Variants in ASH1L observed in about 807,000 individuals in gnomAD.
ASH1L encodes ASH1 like histone lysine methyltransferase.
In ASH1L, 23 loss-of-function variants were observed where a neutral mutation model predicts 269.0. That is an observed-to-expected ratio of 0.09 (90% CI 0.06 to 0.12). The LOEUF is 0.12. Among genes scored for constraint, ASH1L ranks in the 10% least tolerant of loss-of-function variants. ASH1L has a pLI of 1.00. For synonymous variants in ASH1L, 1,187 were observed against 1,253.5 expected (o/e 0.95, Z 1.12); for missense variants, 2,912 against 3,567.8 (o/e 0.82, Z 4.68).
Position 155,481,984 on chromosome 1 carries a change from C to A in ASH1L, c.886G>T (p.Ala296Ser), listed in dbSNP as rs1338133463. 8.7e-6 allele frequency: 14 copies of A among 1,614,028 alleles called. No homozygotes were observed. Among genetic ancestry groups the A allele is most frequent in the Non-Finnish European group, 1.1e-5 (13 of 1,180,044 alleles). Reference sequence around the variant, plus strand: ...GAGTCCTTATTGACCAATCCTACTGCTGCATTAAACACTGGCTTTTTCCCA... The same window carrying A: ...GAGTCCTTATTGACCAATCCTACTGATGCATTAAACACTGGCTTTTTCCCA... ...DPGKKPVFNA[A>S]VGLVNKDSVK... Residue 296 changes from alanine to serine, a missense_variant, in exon 3 of 28, where the codon GCA (alanine) becomes TCA (serine). Physicochemically the swap from Ala to Ser is moderately conservative, Grantham distance 99. Transcript: ENST00000392403.
chr1:155,359,901 T>G (rs1434437241), intron 13 of ASH1L, among the ~76,000 whole-genome samples: 2 of 151,648 alleles, frequency 1.3e-5, no homozygotes, highest in Non-Finnish European at 2.9e-5. Context: ...TTTTTTTTTT[T>G]GAGACAGAGT....
At chr1:155,552,632 C>A (rs1252485082) in intron 1 of ASH1L, among the ~76,000 whole-genome samples, 2 of 151,796 alleles carry the variant, frequency 1.3e-5, no homozygotes, top group Non-Finnish European at 2.9e-5. Context: ...GACAACAGAG[C>A]GAGACCCTGA....
Position 155,559,138 on chromosome 1 carries a change from G to A in ASH1L, c.-100+3015C>T, listed in dbSNP as rs558082319. ...ACAAGTGAGAGCCACCATGCCCAGC[G>A]ACATCAAAACCTTTTTACATAAACG... On this transcript the variant is annotated intron_variant, in intron 1 of 27. Coordinates refer to ENST00000392403, the MANE Select transcript of ASH1L (RefSeq NM_018489.3). 1.6e-4 allele frequency among the ~76,000 whole-genome samples: 25 copies of A among 152,112 alleles called. No homozygotes were observed. The South Asian group carries it at 3.3e-3, about 20-fold the overall frequency.
In ASH1L at chr1:155,338,086, T is replaced by C; in HGVS notation, c.8803+3A>G. ...CCCTAGATATGAACCTGATTCTTCT[T>C]ACCATTTTTTCCAGGGATTTTTTCA... On this transcript the variant is annotated splice_donor_region_variant and intron_variant, in intron 27 of 27. Coordinates refer to ENST00000392403, the MANE Select transcript of ASH1L (RefSeq NM_018489.3). 1.2e-6 allele frequency: 2 copies of C among 1,611,980 alleles called. No homozygotes were observed. Among genetic ancestry groups the C allele is most frequent in the Non-Finnish European group, 8.5e-7 (1 of 1,178,522 alleles).
intron 20 of ASH1L, among the ~76,000 whole-genome samples, chr1:155,346,746 G>C (rs1653370462): frequency 6.6e-6 from 1 of 152,158 alleles, no homozygotes; most frequent in African/African-American, 2.4e-5. Flanking sequence ...ATAGACTACT[G>C]AACTATTACT....
chr1:155,540,209 T>C (rs1241528052), intron 1 of ASH1L, among the ~76,000 whole-genome samples: 1 of 152,182 alleles, frequency 6.6e-6, no homozygotes, highest in African/African-American at 2.4e-5. Flanking sequence ...TGGTTAAGAA[T>C]ATAGTCTCTG....
At chr1:155,429,911 C>T (rs905136938) in intron 5 of ASH1L, among the ~76,000 whole-genome samples, 1 of 152,016 alleles carries the variant, frequency 6.6e-6, no homozygotes, top group Non-Finnish European at 1.5e-5. Context: ...TCAAGCAATC[C>T]CTTAACACCT....
At chr1:155,406,665 T>C (rs979260272) in intron 6 of ASH1L, among the ~76,000 whole-genome samples, 5 of 152,168 alleles carry the variant, frequency 3.3e-5, no homozygotes, top group South Asian at 2.1e-4. Flanking sequence ...TGTGCCACTA[T>C]ACTCCAGGCT....
At chr1:155,388,219 C>A (rs937279381) in intron 7 of ASH1L, among the ~76,000 whole-genome samples, 2 of 152,210 alleles carry the variant, frequency 1.3e-5, no homozygotes, top group African/African-American at 2.4e-5. Context: ...TTCACTCTAA[C>A]TATAATTAAG....
At chr1:155,535,778 G>C (rs777820690) in intron 1 of ASH1L, among the ~76,000 whole-genome samples, 1 of 152,002 alleles carries the variant, frequency 6.6e-6, no homozygotes, top group East Asian at 1.9e-4. Context: ...CAGATCACCC[G>C]AGGTTGGGTT....
chr1:155,358,536 A>G (rs371127214), intron 13 of ASH1L, among the ~76,000 whole-genome samples: 1 of 151,880 alleles, frequency 6.6e-6, no homozygotes, highest in South Asian at 2.1e-4. Flanking sequence ...AAAATACAAA[A>G]AATTAGCTGG....
At chr1:155,491,024 T>G (rs1666746208) in intron 2 of ASH1L, among the ~76,000 whole-genome samples, 1 of 148,740 alleles carries the variant, frequency 6.7e-6, no homozygotes, top group Non-Finnish European at 1.5e-5. Flanking sequence ...AGACTTCCTA[T>G]TGCATTTGTT....
chr1:155,379,941 C>G, intron 8 of ASH1L, 102 bp downstream of exon 8: 1 of 853,424 alleles, frequency 1.2e-6, no homozygotes. Flanking sequence ...CTGAAAACCT[C>G]CTAAGATGAA....
chr1:155,498,756 A>T (rs1282261897), intron 2 of ASH1L, among the ~76,000 whole-genome samples: 1 of 151,618 alleles, frequency 6.6e-6, no homozygotes, highest in East Asian at 1.9e-4. Flanking sequence ...GCTAGTTTTT[A>T]AAAATGTTTT....
At chr1:155,412,869 T>C (rs1019371001) in intron 6 of ASH1L, among the ~76,000 whole-genome samples, 2 of 151,870 alleles carry the variant, frequency 1.3e-5, no homozygotes, top group Non-Finnish European at 2.9e-5. Context: ...CCTCATACCT[T>C]TGGTTACAGA....
chr1:155,412,923 A>G (rs913937610), intron 6 of ASH1L, among the ~76,000 whole-genome samples: 7 of 151,682 alleles, frequency 4.6e-5, no homozygotes, highest in Non-Finnish European at 7.4e-5. Context: ...ATTGAAAAAA[A>G]TGGTTTTTTT....
At chr1:155,562,844 C>CT, upstream of ASH1L, 1 of 492,734 alleles carries the variant, frequency 2.0e-6, no homozygotes, top group Admixed American at 2.4e-5. Context: ...CCTCCCCCCC[C>CT]TTCCCCGCCC....
At chr1:155,437,065 A>G (rs755819239) in intron 5 of ASH1L, among the ~76,000 whole-genome samples, 5 of 152,186 alleles carry the variant, frequency 3.3e-5, no homozygotes, top group African/African-American at 4.8e-5. Context: ...CTACTACCAT[A>G]CGGTTTTGAT....
chr1:155,366,075 G>C (rs1655397542), intron 12 of ASH1L, among the ~76,000 whole-genome samples: 1 of 152,100 alleles, frequency 6.6e-6, no homozygotes, highest in African/African-American at 2.4e-5. Flanking sequence ...TTCCCAATAG[G>C]TTAGGCATTC....
Sources: gnomAD v4.1 joint callset for allele counts (sites outside exome capture counted in the v4.1 genomes callset) on GRCh38, gnomAD v4.1.1 for gene constraint, MANE v1.5 for transcripts, NCBI Gene and HGNC (gene_info 2026-07-23, HGNC 2026-07-21) for gene names.